Variants in OSBPL10 observed in about 807,000 individuals in gnomAD.
OSBPL10 encodes the protein oxysterol-binding protein-related protein 10.
Under a neutral mutation model 81.7 loss-of-function variants are expected in OSBPL10, and 49 were observed. That is an observed-to-expected ratio of 0.60 (90% confidence interval 0.48 to 0.76). The LOEUF (loss-of-function observed/expected upper bound fraction) is 0.76. Among genes scored for constraint, OSBPL10 ranks in the 30% least tolerant of loss-of-function variants. The pLI is 0.00. For missense variants in OSBPL10, 923 were observed against 987.8 expected, an observed-to-expected ratio of 0.93 and a Z score of 0.88; for synonymous variants, 419 against 383.6, an observed-to-expected ratio of 1.09 and a Z score of -1.08.
At chr3:31,795,652 C>T in intron 4 of OSBPL10, 1 of 208,910 alleles carries the variant, frequency 4.8e-6, no homozygotes. Context: ...CATTCAACAC[C>T]AACGAGGTCA....
intron 4 of OSBPL10, among the ~76,000 whole-genome samples, chr3:31,807,216 C>T (rs1699541449): frequency 6.6e-6 from 1 of 151,764 alleles, no homozygotes; most frequent in Non-Finnish European, 1.5e-5. Context: ...CCTGTCTCTA[C>T]TGAAAATACA....
intron 1 of OSBPL10, among the ~76,000 whole-genome samples, chr3:31,911,184 A>T (rs36037886): frequency 6.6e-6 from 1 of 152,072 alleles, no homozygotes; most frequent in Non-Finnish European, 1.5e-5. Flanking sequence ...GGAAAAGGGG[A>T]AAAAGTCAAT....
At position 31,661,870 on chromosome 3, in the gene OSBPL10, C is replaced by G. The variant is rs1700078293; in HGVS notation, c.*202G>C. On this transcript the variant is annotated 3_prime_UTR_variant, in exon 12 of 12. Transcript: ENST00000396556. Reference sequence around the variant, plus strand: ...CGTATACGGTGTGTACACACACGTGCCCCGAATGGCTCTTGAATAAATTCA... The same window carrying G: ...CGTATACGGTGTGTACACACACGTGGCCCGAATGGCTCTTGAATAAATTCA... 1.5e-6 allele frequency: 1 copy of G among 667,590 alleles called. No homozygotes were observed. The highest frequency in any genetic ancestry group is 2.4e-6 in the Non-Finnish European group (1 of 408,946). The allele number at this position is 667,590 out of a possible 1,614,324, so 41.4% of individuals were successfully genotyped here.
intron 1 of OSBPL10, among the ~76,000 whole-genome samples, chr3:31,940,854 G>T (rs1301639649): frequency 6.6e-6 from 1 of 152,046 alleles, no homozygotes; most frequent in Non-Finnish European, 1.5e-5. Context: ...TGGCCAGGTT[G>T]GTCTCAAACT....
intron 4 of OSBPL10, among the ~76,000 whole-genome samples, chr3:31,802,860 C>T (rs1431286777): frequency 6.6e-6 from 1 of 151,896 alleles, no homozygotes; most frequent in Admixed American, 6.6e-5. Context: ...AGGATGGAAG[C>T]TTGTGCCAGT....
intron 1 of OSBPL10, among the ~76,000 whole-genome samples, chr3:31,907,441 A>G (rs1328359338): frequency 6.6e-6 from 1 of 151,916 alleles, no homozygotes; most frequent in African/African-American, 2.4e-5. Flanking sequence ...AGCCTGGCCA[A>G]CATGGTGAAA....
At chr3:31,780,921 G>A (rs187890029) in intron 4 of OSBPL10, among the ~76,000 whole-genome samples, 20 of 150,956 alleles carry the variant, frequency 1.3e-4, no homozygotes, top group African/African-American at 4.4e-4. Flanking sequence ...CTTACTGAAA[G>A]TATTGCAGAA....
At chr3:31,756,034 T>G (rs1697877304) in intron 4 of OSBPL10, among the ~76,000 whole-genome samples, 2 of 152,202 alleles carry the variant, frequency 1.3e-5, no homozygotes, top group Admixed American at 6.5e-5. Context: ...AAACCGTTAC[T>G]GAGATCCTCA....
intron 5 of OSBPL10, among the ~76,000 whole-genome samples, chr3:31,733,827 G>A (rs974682238): frequency 1.7e-4 from 25 of 150,780 alleles, no homozygotes; most frequent in African/African-American, 2.2e-4. Context: ...TGGCTAACAC[G>A]GTGAAACTCC....
chr3:32,011,000 A>C (rs976757794), intron 2 of OSBPL10, among the ~76,000 whole-genome samples: 5 of 152,028 alleles, frequency 3.3e-5, no homozygotes, highest in Admixed American at 3.3e-4. Context: ...GCCTCTGTAG[A>C]CTCCACCTCT....
chr3:31,961,210 C>G (rs1386029938), intron 1 of OSBPL10, among the ~76,000 whole-genome samples: 3 of 152,030 alleles, frequency 2.0e-5, no homozygotes, highest in African/African-American at 7.2e-5. Flanking sequence ...GGAGCACCAC[C>G]TAAGCAAACA....
chr3:31,792,170 G>A (rs572440418), intron 4 of OSBPL10, among the ~76,000 whole-genome samples: 5 of 151,740 alleles, frequency 3.3e-5, no homozygotes, highest in South Asian at 2.1e-4. Context: ...TTGAGGCTGC[G>A]GTGAGCTGTA....
At chr3:32,055,769 A>G (rs1699705921) in intron 1 of OSBPL10, among the ~76,000 whole-genome samples, 1 of 151,678 alleles carries the variant, frequency 6.6e-6, no homozygotes, top group Non-Finnish European at 1.5e-5. Context: ...CTGGCCACAT[A>G]TCTCATCTAC....
At chr3:31,966,153 A>ATGTGTGTGTGTGTG (rs59737552) in intron 1 of OSBPL10, among the ~76,000 whole-genome samples, 1 of 134,842 alleles carries the variant, frequency 7.4e-6, no homozygotes, top group Non-Finnish European at 1.6e-5. Context: ...CAACAAAATT[A>ATGTGTGTGTGTGTG]TGTGTGTGTG....
intron 8 of OSBPL10, among the ~76,000 whole-genome samples, chr3:31,677,943 C>T (rs920798412): frequency 1.9e-4 from 29 of 150,820 alleles, no homozygotes; most frequent in African/African-American, 3.2e-4. Flanking sequence ...TAGCCGGGCG[C>T]GGTGGCGGGC....
chr3:31,719,021 T>A (rs768189594), intron 6 of OSBPL10: 6 of 152,192 alleles, frequency 3.9e-5, no homozygotes, highest in African/African-American at 7.2e-5. Flanking sequence ...AATGTATATA[T>A]CAGTTAGTGT....
At chr3:32,004,847 A>C (rs1365798068) in intron 2 of OSBPL10, among the ~76,000 whole-genome samples, 3 of 152,210 alleles carry the variant, frequency 2.0e-5, no homozygotes, top group Non-Finnish European at 4.4e-5. Flanking sequence ...TTACAGGTGC[A>C]TAAAATTAAG....
rs1559456905 is a variant in OSBPL10, at chr3:31,769,454, A to AC, written c.730-21335_730-21334insG. 3.3e-4 allele frequency among the ~76,000 whole-genome samples: 29 copies of AC among 86,924 alleles called. 2 individuals carry two copies. The highest frequency in any genetic ancestry group is 1.2e-3 in the African/African-American group (26 of 22,028). 57.0% of individuals were successfully genotyped at this position (86,924 alleles called of 152,430 possible). A position where few individuals can be genotyped will look rare whatever the true frequency, so the allele number is the denominator to read the frequency against. On this transcript the variant is annotated intron_variant, in intron 4 of 11. Coordinates refer to ENST00000396556, the MANE Select transcript of OSBPL10 (RefSeq NM_017784.5). ...GAGCAAAACTCCATCTCAAAAAAAA[A>AC]AAAACAAAAAAAAAACAAAAAAAAA...
chr3:31,826,191 TTACTA>T (rs1347182627), intron 4 of OSBPL10, among the ~76,000 whole-genome samples: 3 of 152,224 alleles, frequency 2.0e-5, no homozygotes, highest in Non-Finnish European at 2.9e-5. Flanking sequence ...TGTTTCATTC[TTACTA>T]TACATCACCA....
Sources: gnomAD v4.1 joint callset for allele counts (sites outside exome capture counted in the v4.1 genomes callset) on GRCh38, gnomAD v4.1.1 for gene constraint, MANE v1.5 for transcripts, NCBI Gene and HGNC (gene_info 2026-07-23, HGNC 2026-07-21) for gene names.